Variants in HPCAL1 observed in about 807,000 individuals in gnomAD.
HPCAL1 encodes hippocalcin like 1, also known as hippocalcin-like protein 1.
Under a neutral mutation model 17.1 loss-of-function variants are expected in HPCAL1, and 8 were observed. The ratio of observed to expected loss-of-function variants is 0.47; its 90% CI spans 0.27 to 0.84. The LOEUF is 0.84. Among genes scored for constraint, HPCAL1 ranks in the 40% least tolerant of loss-of-function variants. The probability of loss-of-function intolerance (pLI) is 0.13; values close to 1 mark genes in which losing one functional copy is unlikely to be tolerated. For missense variants in HPCAL1, 165 were observed against 271.1 expected, an observed-to-expected ratio of 0.61 and a Z score of 2.75; for synonymous variants, 112 against 111.4, an observed-to-expected ratio of 1.01 and a Z score of -0.03.
At chr2:10,307,363 T>C (rs1379882264) in intron 1 of HPCAL1, among the ~76,000 whole-genome samples, 18 of 152,192 alleles carry the variant, frequency 1.2e-4, no homozygotes, top group Admixed American at 1.2e-3. Flanking sequence ...TCCTCTCAGG[T>C]AGGCATGATA....
chr2:10,379,894 T>G (rs1667833755), intron 1 of HPCAL1, among the ~76,000 whole-genome samples: 1 of 152,176 alleles, frequency 6.6e-6, no homozygotes, highest in Non-Finnish European at 1.5e-5. Flanking sequence ...AGTCTGTCCA[T>G]GCTGGCTATA....
Position 10,336,479 on chromosome 2 carries a change from G to A in HPCAL1, c.-111+33302G>A, listed in dbSNP as rs192472174. 1.7e-4 allele frequency among the ~76,000 whole-genome samples: 26 copies of A among 152,302 alleles called. 1 individual carries two copies. Among genetic ancestry groups the A allele is most frequent in the African/African-American group, 5.3e-4 (22 of 41,548 alleles). On this transcript the variant is annotated intron_variant, in intron 1 of 4. Transcript: ENST00000307845. ...ATTTATTTATTTAGGTGGACGTGTAGGTTGTTTGCACTTTTGCATTAGTAG... is the reference window on the plus strand; with the variant it reads ...ATTTATTTATTTAGGTGGACGTGTAAGTTGTTTGCACTTTTGCATTAGTAG...
intron 1 of HPCAL1, among the ~76,000 whole-genome samples, chr2:10,374,519 G>A (rs973812314): frequency 3.9e-5 from 6 of 152,254 alleles, no homozygotes; most frequent in Non-Finnish European, 5.9e-5. Flanking sequence ...TGCCCTCAGG[G>A]AGCTGACGGT....
chr2:10,355,477 A>G (rs1254815958), intron 1 of HPCAL1, among the ~76,000 whole-genome samples: 1 of 150,874 alleles, frequency 6.6e-6, no homozygotes, highest in Admixed American at 6.6e-5. Flanking sequence ...AAAAAAAAAA[A>G]AAAAAGAGTT....
At chr2:10,366,966 G>A (rs1462639546) in intron 1 of HPCAL1, among the ~76,000 whole-genome samples, 1 of 152,156 alleles carries the variant, frequency 6.6e-6, no homozygotes, top group Admixed American at 6.5e-5. Flanking sequence ...GGGACGCCAG[G>A]TTCCTTGATG....
chr2:10,315,542 A>G (rs1395223835), intron 1 of HPCAL1, among the ~76,000 whole-genome samples: 4 of 152,168 alleles, frequency 2.6e-5, no homozygotes, highest in African/African-American at 7.2e-5. Context: ...TCCTTTATTT[A>G]CCCTCTTAAT....
chr2:10,390,864 T>C lies in HPCAL1; in HGVS notation c.-110-5971T>C, dbSNP rs150092343. ...CTTACACTGTGACCTGCAGTGCCCA[T>C]GGTGGCAGCCTGGGCTGTTTCTGGA... On this transcript the variant is annotated intron_variant, in intron 1 of 4. Transcript: ENST00000307845. 6.5e-3 allele frequency among the ~76,000 whole-genome samples: 996 copies of C among 152,304 alleles called. 6 individuals are homozygous for C. Among genetic ancestry groups the C allele is most frequent in the Non-Finnish European group, 0.011 (731 of 68,028 alleles).
intron 1 of HPCAL1, among the ~76,000 whole-genome samples, chr2:10,358,761 T>C (rs1666345063): frequency 6.6e-6 from 1 of 151,962 alleles, no homozygotes. Flanking sequence ...GGCTCCCCCA[T>C]CTGCTGGGTG....
At position 10,344,807 on chromosome 2, in the gene HPCAL1, C is replaced by T. The variant is rs1665309114; in HGVS notation, c.-111+41630C>T. On this transcript the variant is annotated intron_variant, in intron 1 of 4. Transcript: ENST00000307845. This position sits in a 1 kb window ranked among gnomAD's most constrained non-coding sequence, Gnocchi z 4.9. ...CCTGACTTTCTGTCTCTTTCTGCTTCTCTCTCTGTGTCTGTCTCTGTCTCT... is the reference window on the plus strand; with the variant it reads ...CCTGACTTTCTGTCTCTTTCTGCTTTTCTCTCTGTGTCTGTCTCTGTCTCT... Among the ~76,000 whole-genome samples, 1 of 151,840 alleles carries T rather than the reference C, an allele frequency of 6.6e-6. No homozygotes were observed. Among genetic ancestry groups the T allele is most frequent in the Non-Finnish European group, 1.5e-5 (1 of 67,962 alleles).
intron 4 of HPCAL1, 175 bp downstream of exon 4, chr2:10,423,263 C>T (rs1045800385): frequency 1.1e-4 from 69 of 621,828 alleles, no homozygotes; most frequent in East Asian, 3.4e-4. Context: ...CAGGGACACC[C>T]GTGCTGTATC....
rs1285626196 is a variant in HPCAL1, at chr2:10,342,234, T to G, written c.-111+39057T>G. Among the ~76,000 whole-genome samples, 1 of 152,162 alleles carries G rather than the reference T, an allele frequency of 6.6e-6. No individual in the cohort carries two copies. Among genetic ancestry groups the G allele is most frequent in the Non-Finnish European group, 1.5e-5 (1 of 68,028 alleles). On this transcript the variant is annotated intron_variant, in intron 1 of 4. Transcript: ENST00000307845. The surrounding 1 kb of genome is among the most constrained non-coding windows in gnomAD (Gnocchi z 4.1). The stretch of plus-strand genomic sequence containing the variant: ...CATTTAGATGGAGCGTTTGTGGGAT[T>G]TAAGACAGATTTTTCCTTGCTGAGT...
At chr2:10,319,406 C>T (rs1006508739) in intron 1 of HPCAL1, among the ~76,000 whole-genome samples, 1 of 152,122 alleles carries the variant, frequency 6.6e-6, no homozygotes, top group Non-Finnish European at 1.5e-5. Flanking sequence ...AGTAATTTGC[C>T]GTTATGTACT....
intron 1 of HPCAL1, among the ~76,000 whole-genome samples, chr2:10,351,374 C>T (rs993886721): frequency 2.0e-5 from 3 of 152,168 alleles, no homozygotes; most frequent in Admixed American, 1.3e-4. Context: ...AGACAGAAAG[C>T]AGATTAGTTG....
rs116516024 is a variant in HPCAL1, at chr2:10,400,242, G to A, written c.-25+3322G>A. On this transcript the variant is annotated intron_variant, in intron 2 of 4. Coordinates refer to ENST00000307845, the MANE Select transcript of HPCAL1 (RefSeq NM_002149.4). ...GGAGTGGGTCACACCTGAGGGGCAG[G>A]ACGCTGGCAACCCCGACCGCTGAGG... 3.8e-3 allele frequency among the ~76,000 whole-genome samples: 585 copies of A among 152,334 alleles called. 7 individuals are homozygous for A. Among genetic ancestry groups the A allele is most frequent in the African/African-American group, 0.014 (565 of 41,574 alleles).
chr2:10,368,326 G>A (rs1309171741), intron 1 of HPCAL1, among the ~76,000 whole-genome samples: 1 of 151,910 alleles, frequency 6.6e-6, no homozygotes, highest in Non-Finnish European at 1.5e-5. Flanking sequence ...ACGTGTGGGT[G>A]TGTGTGCAGT....
chr2:10,366,455 C>T (rs902416329), intron 1 of HPCAL1, among the ~76,000 whole-genome samples: 34 of 152,120 alleles, frequency 2.2e-4, no homozygotes, highest in African/African-American at 8.2e-4. Context: ...ATGCTGGTCT[C>T]GAACTCCTGA....
At chr2:10,355,899 C>G (rs559833977) in intron 1 of HPCAL1, among the ~76,000 whole-genome samples, 1 of 152,062 alleles carries the variant, frequency 6.6e-6, no homozygotes, top group Non-Finnish European at 1.5e-5. Flanking sequence ...TATTTGGCAC[C>G]GGGAGCCCCT....
At chr2:10,320,424 A>G (rs1572630742) in intron 1 of HPCAL1, among the ~76,000 whole-genome samples, 1 of 150,172 alleles carries the variant, frequency 6.7e-6, no homozygotes, top group African/African-American at 2.5e-5. Flanking sequence ...AGTGTGAAGC[A>G]CCTCCCCCTG....
chr2:10,410,046 C>T (rs1572845575), intron 2 of HPCAL1, among the ~76,000 whole-genome samples: 1 of 150,056 alleles, frequency 6.7e-6, no homozygotes, highest in Non-Finnish European at 1.5e-5. Context: ...GCCTTGGCCT[C>T]CTGAAGTGCT....
Sources: gnomAD v4.1 joint callset for allele counts (sites outside exome capture counted in the v4.1 genomes callset) on GRCh38, gnomAD v4.1.1 for gene constraint, Gnocchi (gnomAD v3.1) non-coding constraint, MANE v1.5 for transcripts, NCBI Gene and HGNC (gene_info 2026-07-23, HGNC 2026-07-21) for gene names.